The following CABP1 variants were observed in gnomAD, a reference collection of about 807,000 sequenced individuals.
CABP1 encodes calcium-binding protein 1.
Under a neutral mutation model 34.3 loss-of-function variants are expected in CABP1, and 17 were observed. That is an observed-to-expected ratio of 0.50 (90% confidence interval 0.34 to 0.74). The LOEUF (loss-of-function observed/expected upper bound fraction) is 0.74. CABP1 is among the 30% of genes least tolerant of loss of function. CABP1 has a pLI of 0.01. For missense variants in CABP1, 373 were observed against 511.1 expected, an observed-to-expected ratio of 0.73 and a Z score of 2.61; for synonymous variants, 198 against 229.2, an observed-to-expected ratio of 0.86 and a Z score of 1.23.
At chr12:120,680,102 G>A in the CABP1 span, among the ~76,000 whole-genome samples, 1 of 152,112 alleles carries the variant, frequency 6.6e-6, no homozygotes, top group Non-Finnish European at 1.5e-5. Flanking sequence ...GAATCCGGGA[G>A]GCAGAGGCTG....
intron 1 of CABP1, among the ~76,000 whole-genome samples, chr12:120,647,807 C>T (rs190033312): frequency 6.7e-6 from 1 of 149,752 alleles, no homozygotes; most frequent in Admixed American, 6.7e-5. Context: ...GCCTCGAACT[C>T]CTGACCTCAG....
intron 5 of CABP1, chr12:120,662,092 A>C (rs1268252176): frequency 1.3e-5 from 2 of 152,018 alleles, no homozygotes; most frequent in African/African-American, 4.8e-5. Context: ...TCATCCATTC[A>C]CCCATCCCTG....
chr12:120,658,250 T>C (rs899790163), intron 1 of CABP1, among the ~76,000 whole-genome samples: 4 of 151,972 alleles, frequency 2.6e-5, no homozygotes, highest in Admixed American at 6.6e-5. Context: ...TGAACCACCA[T>C]GCTTGGCTAA....
chr12:120,678,349 A>G, the CABP1 span, among the ~76,000 whole-genome samples: 1 of 152,152 alleles, frequency 6.6e-6, no homozygotes. Context: ...GGGCTCAAAC[A>G]CAGCTGCTGC....
In CABP1 at chr12:120,640,748, C is replaced by T; in HGVS notation, c.63C>T (p.Val21=). The T allele has an allele frequency of 5.9e-6, 7 of 1,177,040 alleles. No homozygotes were observed. The highest frequency in any genetic ancestry group is 6.3e-6 in the Non-Finnish European group (6 of 953,228). 72.9% of individuals were successfully genotyped at this position (1,177,040 alleles called of 1,614,324 possible). A position where few individuals can be genotyped will look rare whatever the true frequency, so the allele number is the denominator to read the frequency against. The part of the protein sequence containing the change: ...RPGDGARLQR[V]LGLGSRREPR... ...GGGACGGCGCCCGCCTCCAGCGCGT[C>T]CTCGGGCTTGGCTCCCGCCGGGAGC... Residue 21 remains valine, a synonymous_variant, in exon 1 of 6, where the codon GTC becomes GTT. Coordinates refer to ENST00000316803, the MANE Select transcript of CABP1 (RefSeq NM_001033677.2). This position sits in a 1 kb window ranked among gnomAD's most constrained non-coding sequence, Gnocchi z 6.2.
Position 120,661,339 on chromosome 12 carries a change from C to T in CABP1, c.1087+121C>T, listed in dbSNP as rs897500599. On this transcript the variant is annotated intron_variant, in intron 5 of 5. Transcript: ENST00000316803. This position sits in a 1 kb window ranked among gnomAD's most constrained non-coding sequence, Gnocchi z 5.1. ...CTAATTTTCCAACCCCCAGCCCTTT[C>T]ATCCTCTTATCCCTCCGTCCATGCC... 11 of 1,143,762 alleles carry T rather than the reference C, an allele frequency of 9.6e-6. No individual in the cohort carries two copies. The highest frequency in any genetic ancestry group is 2.5e-5 in the Admixed American group (1 of 39,792). 70.9% of individuals were successfully genotyped at this position (1,143,762 alleles called of 1,614,324 possible).
downstream of CABP1, among the ~76,000 whole-genome samples, chr12:120,671,631 C>T (rs559965369): frequency 2.1e-4 from 32 of 152,238 alleles, no homozygotes; most frequent in African/African-American, 2.2e-4. Context: ...GCCAGGCCCA[C>T]GGCCACAGAA....
At chr12:120,650,807 C>A in intron 1 of CABP1, 1 of 955,776 alleles carries the variant, frequency 1.0e-6, no homozygotes, top group Non-Finnish European at 1.6e-6. Flanking sequence ...CTGTCCAGGG[C>A]TGCCTCCCTG....
rs3850511 is a variant in CABP1 at position 120,659,837 on chromosome 12, G to T, written c.655-41G>T. On this transcript the variant is annotated intron_variant, in intron 1 of 5. Coordinates refer to ENST00000316803, the MANE Select transcript of CABP1 (RefSeq NM_001033677.2). ...AGGTTAGGTATTTTGTGACTTCCAG[G>T]TCCCTTGTCGCGGCTAATAGGACAT... 914 of 1,608,294 alleles carry T rather than the reference G, an allele frequency of 5.7e-4. 8 individuals are homozygous for T. The African/African-American group carries it at 0.01, about 18-fold the overall frequency.
downstream of CABP1, among the ~76,000 whole-genome samples, chr12:120,670,609 G>A (rs1881220152): frequency 6.6e-6 from 1 of 152,068 alleles, no homozygotes; most frequent in Non-Finnish European, 1.5e-5. Context: ...TTAGCCAGAT[G>A]TGGCAGTTCA....
the CABP1 span, among the ~76,000 whole-genome samples, chr12:120,680,767 A>C: frequency 2.0e-5 from 3 of 152,050 alleles, no homozygotes; most frequent in African/African-American, 7.2e-5. Flanking sequence ...CCCTGGGTTC[A>C]GGCCCTCTAG....
rs975118510 is a variant in CABP1, at chr12:120,641,703, T to C, written c.654+364T>C. On this transcript the variant is annotated intron_variant, in intron 1 of 5. Transcript: ENST00000316803. The surrounding 1 kb of genome is among the most constrained non-coding windows in gnomAD (Gnocchi z 6.7). ...GCGCCAAACCCACTCCTCTGGCCTCTGGCCAGTACCGCCAGGGAGGGACTC... is the reference window on the plus strand; with the variant it reads ...GCGCCAAACCCACTCCTCTGGCCTCCGGCCAGTACCGCCAGGGAGGGACTC... The C allele has an allele frequency of 1.0e-5, 2 of 195,968 alleles. No individual in the cohort carries two copies. Among genetic ancestry groups the C allele is most frequent in the African/African-American group, 2.3e-5 (1 of 43,250 alleles). 12.1% of individuals were successfully genotyped at this position (195,968 alleles called of 1,614,324 possible).
rs1364655882 is a variant in CABP1, at chr12:120,641,129, G to A, written c.444G>A (p.Ala148=). The A allele has an allele frequency of 2.4e-6, 3 of 1,229,940 alleles. No individual in the cohort carries two copies. Among genetic ancestry groups the A allele is most frequent in the Non-Finnish European group, 3.0e-6 (3 of 988,412 alleles). 76.2% of individuals were successfully genotyped at this position (1,229,940 alleles called of 1,614,324 possible). A position where few individuals can be genotyped will look rare whatever the true frequency, so the allele number is the denominator to read the frequency against. Residue 148 remains alanine (A), a synonymous_variant, in exon 1 of 6, where the codon GCG becomes GCA. Transcript: ENST00000316803. This position sits in a 1 kb window ranked among gnomAD's most constrained non-coding sequence, Gnocchi z 6.7. ...LPQAHCRPRE[A]LPAAASRPSP... ...AGGCGCACTGCAGGCCCCGGGAGGC[G>A]CTGCCGGCCGCGGCGTCCCGACCTT...
chr12:120,653,936 C>T (rs2137344102), intron 1 of CABP1, among the ~76,000 whole-genome samples: 1 of 152,376 alleles, frequency 6.6e-6, no homozygotes, highest in South Asian at 2.1e-4. Flanking sequence ...AATGCTGACT[C>T]TCTGCAGACA....
At chr12:120,680,222 G>T in the CABP1 span, among the ~76,000 whole-genome samples, 1 of 152,152 alleles carries the variant, frequency 6.6e-6, no homozygotes, top group African/African-American at 2.4e-5. Flanking sequence ...TACAAAAAGT[G>T]TATCTTTCTT....
At chr12:120,680,854 C>T in the CABP1 span, among the ~76,000 whole-genome samples, 4 of 150,896 alleles carry the variant, frequency 2.7e-5, no homozygotes, top group African/African-American at 9.8e-5. Flanking sequence ...TTTGGGAGGC[C>T]GAGGCAGGAG....
At chr12:120,647,066 A>G (rs1879573214) in intron 1 of CABP1, among the ~76,000 whole-genome samples, 2 of 152,344 alleles carry the variant, frequency 1.3e-5, no homozygotes, top group East Asian at 1.9e-4. Flanking sequence ...CGACAGAGGC[A>G]TATCCCAAGG....
the CABP1 span, among the ~76,000 whole-genome samples, chr12:120,679,091 A>AAAC: frequency 4.0e-5 from 6 of 151,070 alleles, no homozygotes; most frequent in African/African-American, 1.5e-4. Flanking sequence ...AAAAAAAAAA[A>AAAC]AACCAACTTT....
chr12:120,673,757 G>T, the CABP1 span, among the ~76,000 whole-genome samples: 1 of 152,180 alleles, frequency 6.6e-6, no homozygotes, highest in Non-Finnish European at 1.5e-5. Context: ...TTATAGGGAG[G>T]CAGGAATTCT....
Sources: allele counts gnomAD v4.1 joint callset (sites outside exome capture counted in the v4.1 genomes callset), GRCh38; gene constraint gnomAD v4.1.1; non-coding constraint Gnocchi (gnomAD v3.1); transcripts MANE v1.5; gene names NCBI Gene and HGNC (gene_info 2026-07-23, HGNC 2026-07-21).